ARMC8: variants seen among roughly 807,000 people sequenced by gnomAD.
The protein encoded by ARMC8 is armadillo repeat-containing protein 8.
Under a neutral mutation model 99.3 loss-of-function variants are expected in ARMC8, and 20 were observed. The observed-to-expected ratio is 0.20, with a 90% CI of 0.14 to 0.29. The LOEUF (loss-of-function observed/expected upper bound fraction) is 0.29, where lower values mean the gene tolerates loss of function less well. Among genes scored for constraint, ARMC8 ranks in the 10% least tolerant of loss-of-function variants. ARMC8 has a pLI of 1.00. For missense variants in ARMC8, 569 were observed against 809.5 expected, an observed-to-expected ratio of 0.70 and a Z score of 3.60; for synonymous variants, 263 against 278.3, an observed-to-expected ratio of 0.95 and a Z score of 0.55.
At chr3:138,280,649 A>G (rs893764736) in intron 18 of ARMC8, among the ~76,000 whole-genome samples, 3 of 151,870 alleles carry the variant, frequency 2.0e-5, no homozygotes, top group Non-Finnish European at 4.4e-5. Context: ...GCCTGCCACC[A>G]TGCCAGGCTA....
intron 12 of ARMC8, among the ~76,000 whole-genome samples, chr3:138,247,920 G>A (rs1031990248): frequency 2.0e-5 from 3 of 152,176 alleles, no homozygotes; most frequent in African/African-American, 7.2e-5. Flanking sequence ...AATATTTGTT[G>A]AATAAATATA....
At chr3:138,206,527 A>G (rs1222356125) in intron 1 of ARMC8, among the ~76,000 whole-genome samples, 1 of 152,224 alleles carries the variant, frequency 6.6e-6, no homozygotes, top group Non-Finnish European at 1.5e-5. Context: ...TGCCTAAAAA[A>G]AGCTCTACCC....
chr3:138,210,952 T>G (rs2044661998), intron 2 of ARMC8, among the ~76,000 whole-genome samples: 1 of 152,094 alleles, frequency 6.6e-6, no homozygotes, highest in East Asian at 1.9e-4. Flanking sequence ...TACTTGACGC[T>G]TATTTTCACG....
intron 3 of ARMC8, among the ~76,000 whole-genome samples, chr3:138,222,585 A>G (rs1315814522): frequency 6.6e-6 from 1 of 152,090 alleles, no homozygotes. Flanking sequence ...TGCAATTGCT[A>G]TTAGCTTTTC....
At chr3:138,217,511 G>T (rs1016251459) in intron 2 of ARMC8, among the ~76,000 whole-genome samples, 1 of 151,544 alleles carries the variant, frequency 6.6e-6, no homozygotes, top group East Asian at 1.9e-4. Flanking sequence ...GCTGTGGTAG[G>T]CACTGTACAT....
chr3:138,294,769 G>A (rs1222974016), intron 21 of ARMC8, among the ~76,000 whole-genome samples: 1 of 152,150 alleles, frequency 6.6e-6, no homozygotes, highest in East Asian at 1.9e-4. Context: ...CCATGTTTGT[G>A]ATAGGAATAG....
At chr3:138,248,540 C>G (rs1412924786) in intron 12 of ARMC8, among the ~76,000 whole-genome samples, 1 of 152,146 alleles carries the variant, frequency 6.6e-6, no homozygotes, top group Non-Finnish European at 1.5e-5. Flanking sequence ...CAAAATAGAT[C>G]AACAAACTAT....
At chr3:138,239,667 C>T in intron 10 of ARMC8, 139 bp downstream of exon 10, 1 of 491,758 alleles carries the variant, frequency 2.0e-6, no homozygotes, top group Non-Finnish European at 3.4e-6. Context: ...AAAGACCATG[C>T]TTTCTTTTCA....
At chr3:138,247,698 G>A (rs1406389266) in intron 12 of ARMC8, among the ~76,000 whole-genome samples, 4 of 152,158 alleles carry the variant, frequency 2.6e-5, no homozygotes, top group African/African-American at 9.7e-5. Context: ...TCATATAATT[G>A]TGTCTCTTTT....
At chr3:138,274,391 G>A in intron 17 of ARMC8, 58 bp from the exon 18 acceptor site, 1 of 1,150,248 alleles carries the variant, frequency 8.7e-7, no homozygotes, top group Non-Finnish European at 1.3e-6. Context: ...TAGAAGCCTT[G>A]TATTCGTCCT....
In ARMC8 at chr3:138,235,130, T is replaced by G; in HGVS notation, c.609+16T>G. ...GTCCTACAAAGTAAGATGTTAAAAA[T>G]TGTGGCCAGATTTGTATACCTTGTT... is the stretch of plus-strand genomic sequence containing the variant. On this transcript the variant is annotated intron_variant, in intron 7 of 21. Transcript: ENST00000469044. 1 of 1,588,932 alleles carries G rather than the reference T, an allele frequency of 6.3e-7. No homozygotes were observed.
At chr3:138,241,753 A>G in intron 10 of ARMC8, 30 bp from the exon 11 acceptor site, 1 of 1,608,550 alleles carries the variant, frequency 6.2e-7, no homozygotes, top group Non-Finnish European at 8.5e-7. Context: ...CTTTACCAAA[A>G]AGCAAATAAT....
intron 17 of ARMC8, among the ~76,000 whole-genome samples, chr3:138,273,374 C>T (rs1232295487): frequency 6.6e-6 from 1 of 152,260 alleles, no homozygotes; most frequent in Non-Finnish European, 1.5e-5. Context: ...CAGAGGAAAA[C>T]ATGACCAGTG....
chr3:138,226,229 C>T (rs547630463), intron 5 of ARMC8, among the ~76,000 whole-genome samples: 168 of 152,246 alleles, frequency 1.1e-3, no homozygotes, highest in Middle Eastern at 0.01. Flanking sequence ...CTCCTGACCT[C>T]GTGATCCACC....
intron 12 of ARMC8, chr3:138,262,361 A>G (rs528230746): frequency 1.1e-5 from 8 of 696,022 alleles, no homozygotes; most frequent in Non-Finnish European, 1.7e-5. Context: ...CTAAAACACC[A>G]GATAAAAATT....
intron 1 of ARMC8, among the ~76,000 whole-genome samples, chr3:138,205,204 G>A (rs565221810): frequency 6.6e-6 from 1 of 150,984 alleles, no homozygotes; most frequent in Non-Finnish European, 1.5e-5. Flanking sequence ...GAGTAGCCAG[G>A]ACTAAAGGTG....
At chr3:138,239,714 T>C (rs149579984) in intron 10 of ARMC8, among the ~76,000 whole-genome samples, 186 bp downstream of exon 10, 88 of 152,276 alleles carry the variant, frequency 5.8e-4, no homozygotes, top group Non-Finnish European at 1.0e-3. Context: ...TGATTTTAGA[T>C]GTGTTTCGAA....
chr3:138,264,992 G>A lies in ARMC8; in HGVS notation c.1299+780G>A, dbSNP rs888499078. Among the ~76,000 whole-genome samples the A allele has an allele frequency of 7.9e-5, 12 of 151,326 alleles. No individual in the cohort carries two copies. In the South Asian group the frequency reaches 1.5e-3, roughly 18 times the overall value. Reference sequence around the variant, plus strand: ...GGCTCACTGCAGCCTTGTGCCCCCCGGCCCAAGTGATTCTCCCACCTTGGC... The same window carrying A: ...GGCTCACTGCAGCCTTGTGCCCCCCAGCCCAAGTGATTCTCCCACCTTGGC... On this transcript the variant is annotated intron_variant, in intron 14 of 21. Coordinates refer to ENST00000469044, the MANE Select transcript of ARMC8 (RefSeq NM_001363941.2).
chr3:138,257,347 C>G, intron 12 of ARMC8, among the ~76,000 whole-genome samples: 1 of 152,150 alleles, frequency 6.6e-6, no homozygotes, highest in Non-Finnish European at 1.5e-5. Flanking sequence ...GAATAATACA[C>G]ATTAGGTGCT....
Sources: allele counts gnomAD v4.1 joint callset (sites outside exome capture counted in the v4.1 genomes callset), GRCh38; gene constraint gnomAD v4.1.1; transcripts MANE v1.5; gene names NCBI Gene and HGNC (gene_info 2026-07-23, HGNC 2026-07-21).